DOCK3: variants seen among roughly 807,000 people sequenced by gnomAD.
The protein encoded by DOCK3 is dedicator of cytokinesis 3.
In DOCK3, 60 loss-of-function variants were observed where a neutral mutation model predicts 265.6. That is an observed-to-expected ratio of 0.23 (90% CI 0.18 to 0.28). DOCK3 has a LOEUF of 0.28. Among genes scored for constraint, DOCK3 ranks in the 10% least tolerant of loss-of-function variants. The probability of loss-of-function intolerance (pLI) is 1.00; values close to 1 mark genes in which losing one functional copy is unlikely to be tolerated. For synonymous variants in DOCK3, 881 were observed against 938.0 expected, an observed-to-expected ratio of 0.94 and a Z score of 1.11; for missense variants, 1,981 against 2,594.3, an observed-to-expected ratio of 0.76 and a Z score of 5.14.
At chr3:51,283,491 A>AG (rs1424379894) in intron 27 of DOCK3, among the ~76,000 whole-genome samples, 5 of 152,348 alleles carry the variant, frequency 3.3e-5, no homozygotes, top group Admixed American at 1.3e-4. Context: ...AGCAATGCAG[A>AG]GAAAGGGCTC....
At chr3:51,207,329 A>C (rs1356031419) in intron 12 of DOCK3, among the ~76,000 whole-genome samples, 1 of 152,236 alleles carries the variant, frequency 6.6e-6, no homozygotes. Flanking sequence ...CCAAGGTACC[A>C]GTGAGTATTT....
At chr3:51,263,327 AT>A (rs2079963838) in intron 23 of DOCK3, among the ~76,000 whole-genome samples, 1 of 152,234 alleles carries the variant, frequency 6.6e-6, no homozygotes, top group Non-Finnish European at 1.5e-5. Context: ...ACTAAGCTTC[AT>A]AAGTGAAGGA....
chr3:50,828,038 A>G (rs1294944718), intron 2 of DOCK3, among the ~76,000 whole-genome samples: 1 of 150,526 alleles, frequency 6.6e-6, no homozygotes, highest in Non-Finnish European at 1.5e-5. Context: ...TTCTGCCTCC[A>G]TGGCCTCAGC....
rs2035841380 is a variant in DOCK3, at chr3:50,698,848, G to T, written c.37+23548G>T. On this transcript the variant is annotated intron_variant, in intron 1 of 52. Coordinates refer to ENST00000266037, the MANE Select transcript of DOCK3 (RefSeq NM_004947.5). ...GTTCCTTTGCCCATTTTTGAATTGG[G>T]TCTGTTCTTTTGTTGTTGAGTGTTA... Among the ~76,000 whole-genome samples, 3 of 151,880 alleles carry T rather than the reference G, an allele frequency of 2.0e-5. 1 individual carries two copies. The highest frequency in any genetic ancestry group is 4.2e-4 in the South Asian group (2 of 4,796).
Position 51,375,741 on chromosome 3 carries a change from C to G in DOCK3, c.5413-7C>G. ...CACTCTCTGTAATGTTTATCTCCTT[C>G]CTTCAGCCGCCGAATTTCCAGCGAG... is the stretch of plus-strand genomic sequence containing the variant. On this transcript the variant is annotated splice_polypyrimidine_tract_variant and splice_region_variant and intron_variant, in intron 50 of 52. Transcript: ENST00000266037. 3 of 1,614,026 alleles carry G rather than the reference C, an allele frequency of 1.9e-6. No individual in the cohort carries two copies. The highest frequency in any genetic ancestry group is 2.5e-6 in the Non-Finnish European group (3 of 1,179,896).
chr3:51,163,763 C>G (rs1481777297), intron 12 of DOCK3, among the ~76,000 whole-genome samples: 1 of 151,970 alleles, frequency 6.6e-6, no homozygotes, highest in Non-Finnish European at 1.5e-5. Flanking sequence ...CAGATAAATA[C>G]ATATTTTGAA....
At chr3:50,981,955 C>T (rs759722050) in intron 5 of DOCK3, among the ~76,000 whole-genome samples, 1 of 152,122 alleles carries the variant, frequency 6.6e-6, no homozygotes, top group South Asian at 2.1e-4. Context: ...ATTCAAGCAG[C>T]TCTCCTGTCT....
chr3:51,334,093 A>G (rs2084706006), intron 35 of DOCK3, among the ~76,000 whole-genome samples: 1 of 151,898 alleles, frequency 6.6e-6, no homozygotes, highest in African/African-American at 2.4e-5. Flanking sequence ...TGATCCTCCC[A>G]CCTCAACCTC....
At chr3:51,249,482 G>C (rs866116070) in intron 22 of DOCK3, among the ~76,000 whole-genome samples, 1 of 98,256 alleles carries the variant, frequency 1.0e-5, no homozygotes, top group Non-Finnish European at 2.1e-5. Flanking sequence ...CCAGCCAGCC[G>C]CCCCATCCGG....
At chr3:50,751,678 A>G (rs2039818492) in intron 1 of DOCK3, among the ~76,000 whole-genome samples, 2 of 152,166 alleles carry the variant, frequency 1.3e-5, no homozygotes, top group African/African-American at 4.8e-5. Flanking sequence ...AATAAACCCC[A>G]TATATATTAG....
intron 5 of DOCK3, among the ~76,000 whole-genome samples, chr3:50,986,593 C>T (rs954689424): frequency 1.3e-5 from 2 of 152,308 alleles, no homozygotes; most frequent in Admixed American, 1.3e-4. Flanking sequence ...TTATAGTTTG[C>T]ATTGCTTTTC....
chr3:51,070,301 A>G (rs1209756550), intron 6 of DOCK3, among the ~76,000 whole-genome samples: 2 of 152,204 alleles, frequency 1.3e-5, no homozygotes, highest in African/African-American at 4.8e-5. Context: ...TGATTTTACA[A>G]CTACTTGTAG....
At chr3:51,089,062 C>A (rs2082535308) in intron 7 of DOCK3, among the ~76,000 whole-genome samples, 181 bp from the exon 8 acceptor site, 1 of 152,162 alleles carries the variant, frequency 6.6e-6, no homozygotes, top group Non-Finnish European at 1.5e-5. Flanking sequence ...CAAATTACGT[C>A]CATACTCTAA....
intron 9 of DOCK3, among the ~76,000 whole-genome samples, chr3:51,100,880 A>G (rs1460115573): frequency 2.0e-5 from 3 of 150,956 alleles, no homozygotes; most frequent in South Asian, 2.1e-4. Flanking sequence ...CTGCAGCCTC[A>G]GTTTCCTGGG....
At chr3:51,019,737 T>G (rs956332930) in intron 5 of DOCK3, among the ~76,000 whole-genome samples, 3 of 151,958 alleles carry the variant, frequency 2.0e-5, no homozygotes, top group Non-Finnish European at 2.9e-5. Context: ...TTTGGTTTTC[T>G]GTTTCTGCAT....
intron 27 of DOCK3, among the ~76,000 whole-genome samples, chr3:51,297,177 A>G (rs2082136022): frequency 6.7e-6 from 1 of 150,326 alleles, no homozygotes. Flanking sequence ...TCTCTACCTT[A>G]TAGTATTTAC....
chr3:51,330,071 A>G, intron 32 of DOCK3, 67 bp from the exon 33 acceptor site: 1 of 1,486,036 alleles, frequency 6.7e-7, no homozygotes, highest in Non-Finnish European at 9.2e-7. Flanking sequence ...CACCCACCAC[A>G]GGAACTGGAT....
intron 38 of DOCK3, among the ~76,000 whole-genome samples, chr3:51,345,246 G>A (rs981604368): frequency 1.3e-5 from 2 of 152,158 alleles, no homozygotes; most frequent in African/African-American, 4.8e-5. Flanking sequence ...TGTGATAATG[G>A]GGGTACAAGA....
At chr3:51,161,455 A>G (rs2086137163) in intron 12 of DOCK3, among the ~76,000 whole-genome samples, 1 of 152,002 alleles carries the variant, frequency 6.6e-6, no homozygotes, top group African/African-American at 2.4e-5. Flanking sequence ...AAAAAAAAAA[A>G]GAAAGAAAAA....
Sources: allele counts gnomAD v4.1 joint callset (sites outside exome capture counted in the v4.1 genomes callset), GRCh38; gene constraint gnomAD v4.1.1; transcripts MANE v1.5; gene names NCBI Gene and HGNC (gene_info 2026-07-23, HGNC 2026-07-21).